Variants in RAP2A observed in about 807,000 individuals in gnomAD.
The protein encoded by RAP2A is ras-related protein Rap-2a.
Under a neutral mutation model 15.1 loss-of-function variants are expected in RAP2A, and 5 were observed. That is an observed-to-expected ratio of 0.33 (90% CI 0.17 to 0.70). The LOEUF (loss-of-function observed/expected upper bound fraction) is 0.70. Among genes scored for constraint, RAP2A ranks in the 30% least tolerant of loss-of-function variants. The pLI is 0.68. For synonymous variants in RAP2A, 110 were observed against 99.7 expected (o/e 1.10, Z -0.62); for missense variants, 111 against 240.3 (o/e 0.46, Z 3.56).
rs181819893 is a variant in RAP2A, at chr13:97,456,691, A to G, written c.315-7514A>G. On this transcript the variant is annotated intron_variant, in intron 1 of 1. Transcript: ENST00000245304. ...GTTGAGATACTCCTAATAGCTTTGAATATCTTCTGGGTATCATTACTCTCC... is the reference window on the plus strand; with the variant it reads ...GTTGAGATACTCCTAATAGCTTTGAGTATCTTCTGGGTATCATTACTCTCC... 6.8e-4 allele frequency among the ~76,000 whole-genome samples: 104 copies of G among 152,206 alleles called. No individual in the cohort carries two copies. The Middle Eastern group carries it at 0.014, about 20-fold the overall frequency.
chr13:97,463,275 A>G (rs2066756091), intron 1 of RAP2A, among the ~76,000 whole-genome samples: 1 of 152,266 alleles, frequency 6.6e-6, no homozygotes, highest in South Asian at 2.1e-4. Context: ...GAAATGTGCT[A>G]CATGGAGTAA....
At chr13:97,458,774 A>T (rs1400559363) in intron 1 of RAP2A, among the ~76,000 whole-genome samples, 1 of 152,106 alleles carries the variant, frequency 6.6e-6, no homozygotes, top group East Asian at 1.9e-4. Flanking sequence ...ACAAGAAAGG[A>T]GAAAGCAAAA....
At chr13:97,436,261 C>T (rs1447532639) in intron 1 of RAP2A, 1 of 151,758 alleles carries the variant, frequency 6.6e-6, no homozygotes, top group Admixed American at 6.6e-5. Context: ...ATGAACAATT[C>T]TGGTGTTAAA....
At chr13:97,460,107 G>A (rs1317656896) in intron 1 of RAP2A, among the ~76,000 whole-genome samples, 1 of 152,202 alleles carries the variant, frequency 6.6e-6, no homozygotes, top group Non-Finnish European at 1.5e-5. Context: ...AGTGCATTTT[G>A]GAGTTCTGCT....
chr13:97,454,474 G>A (rs1025465765), intron 1 of RAP2A, among the ~76,000 whole-genome samples: 1 of 150,502 alleles, frequency 6.6e-6, no homozygotes, highest in African/African-American at 2.5e-5. Context: ...GTTGTTGTAG[G>A]TATTACATTA....
At position 97,468,560 on chromosome 13, in the gene RAP2A, GC is replaced by G. The variant is rs1348101356; in HGVS notation, c.*4120del. 1 of 152,190 alleles carries G rather than the reference GC, an allele frequency of 6.6e-6. No homozygotes were observed. Among genetic ancestry groups the G allele is most frequent in the African/African-American group, 2.4e-5 (1 of 41,432 alleles). The allele number at this position is 152,190 out of a possible 1,614,324, so 9.4% of individuals were successfully genotyped here. On this transcript the variant is annotated 3_prime_UTR_variant, in exon 2 of 2. Transcript: ENST00000245304. Reference sequence around the variant, plus strand: ...TTAAACTATGCCTTTTGGTTATGTTGCCTTCAAACTCTGTTGAAATCCTCTG... The same window carrying G: ...TTAAACTATGCCTTTTGGTTATGTTGCTTCAAACTCTGTTGAAATCCTCTG...
intron 1 of RAP2A, among the ~76,000 whole-genome samples, chr13:97,454,549 G>A (rs1466643876): frequency 3.3e-5 from 5 of 151,144 alleles, no homozygotes; most frequent in Non-Finnish European, 7.4e-5. Context: ...AAAATGTAAA[G>A]AGCTTACAAC....
At chr13:97,441,709 T>TAGAA in intron 1 of RAP2A, 1 of 426,628 alleles carries the variant, frequency 2.3e-6, no homozygotes, top group Non-Finnish European at 4.6e-6. Flanking sequence ...TTTTCCCTGT[T>TAGAA]TTCTGTTTCT....
chr13:97,442,094 G>A lies in RAP2A; in HGVS notation c.314+7310G>A, dbSNP rs569806931. Among the ~76,000 whole-genome samples, 65 of 152,184 alleles carry A rather than the reference G, an allele frequency of 4.3e-4. No individual in the cohort carries two copies. In the South Asian group the frequency reaches 0.013, roughly 32 times the overall value. On this transcript the variant is annotated intron_variant, in intron 1 of 1. Transcript: ENST00000245304. ...CCAGATCAAACTCAGCCTTTTAGTAGAGTAATATCAATAATAGTAATGCTG... is the reference window on the plus strand; with the variant it reads ...CCAGATCAAACTCAGCCTTTTAGTAAAGTAATATCAATAATAGTAATGCTG...
chr13:97,463,105 GACACACACACACAAAC>G (rs897315116), intron 1 of RAP2A, among the ~76,000 whole-genome samples: 11 of 142,060 alleles, frequency 7.7e-5, no homozygotes, highest in African/African-American at 2.4e-4. Context: ...CTTATGGGAA[GACACACACACACAAAC>G]ACACACACAC....
At chr13:97,454,164 TATATG>T (rs1484014490) in intron 1 of RAP2A, among the ~76,000 whole-genome samples, 3 of 151,416 alleles carry the variant, frequency 2.0e-5, no homozygotes, top group Non-Finnish European at 4.4e-5. Flanking sequence ...GGTTAGTGTT[TATATG>T]ATATATCTTT....
In RAP2A at chr13:97,465,820, C is replaced by T. The variant is rs1296303518; in HGVS notation, c.*1378C>T. The T allele has an allele frequency of 6.6e-6, 1 of 152,160 alleles. No homozygotes were observed. The highest frequency in any genetic ancestry group is 1.9e-4 in the East Asian group (1 of 5,184). The allele number at this position is 152,160 out of a possible 1,614,324, so 9.4% of individuals were successfully genotyped here. A position where few individuals can be genotyped will look rare whatever the true frequency, so the allele number is the denominator to read the frequency against. On this transcript the variant is annotated 3_prime_UTR_variant, in exon 2 of 2. Transcript: ENST00000245304. ...GTTTTACAATCAAGTATAGAGGGGT[C>T]TTCAGCTAACTTAGTTATACATAAA... is the stretch of plus-strand genomic sequence containing the variant.
At chr13:97,445,372 A>G (rs549041442) in intron 1 of RAP2A, among the ~76,000 whole-genome samples, 1 of 152,360 alleles carries the variant, frequency 6.6e-6, no homozygotes, top group South Asian at 2.1e-4. Context: ...ATTGTTAAGT[A>G]GCCACATACA....
rs948548428 is a variant in RAP2A at position 97,454,362 on chromosome 13, A to G, written c.315-9843A>G. Among the ~76,000 whole-genome samples the G allele has an allele frequency of 4.0e-5, 6 of 150,344 alleles. 1 individual carries two copies. Among genetic ancestry groups the G allele is most frequent in the Non-Finnish European group, 8.9e-5 (6 of 67,480 alleles). ...CCCACCATTTTACTGCTTGTTTTCA[A>G]TTTTTTCACCTGCTTATTTTTTTCT... is the stretch of plus-strand genomic sequence containing the variant. On this transcript the variant is annotated intron_variant, in intron 1 of 1. Transcript: ENST00000245304.
Position 97,466,059 on chromosome 13 carries a change from A to C in RAP2A, c.*1617A>C, listed in dbSNP as rs546608910. The C allele has an allele frequency of 6.6e-6, 1 of 152,364 alleles. No homozygotes were observed. The highest frequency in any genetic ancestry group is 2.1e-4 in the South Asian group (1 of 4,828). 9.4% of individuals were successfully genotyped at this position (152,364 alleles called of 1,614,324 possible). ...TGTTCCTAAGAATTTGGCACAAGTC[A>C]GAGATAATTGCCTATACTAAGAATC... On this transcript the variant is annotated 3_prime_UTR_variant, in exon 2 of 2. Coordinates refer to ENST00000245304, the MANE Select transcript of RAP2A (RefSeq NM_021033.7).
chr13:97,443,232 A>G (rs1355448983), intron 1 of RAP2A, among the ~76,000 whole-genome samples: 1 of 152,248 alleles, frequency 6.6e-6, no homozygotes, highest in African/African-American at 2.4e-5. Context: ...CAAGAGAAAC[A>G]TTGAAAAACC....
intron 1 of RAP2A, among the ~76,000 whole-genome samples, chr13:97,463,489 T>C (rs1458645796): frequency 6.6e-6 from 1 of 152,244 alleles, no homozygotes; most frequent in African/African-American, 2.4e-5. Flanking sequence ...AAAAGAATCC[T>C]AATTGTTTCT....
intron 1 of RAP2A, among the ~76,000 whole-genome samples, chr13:97,441,288 C>CT (rs2066656624): frequency 6.6e-6 from 1 of 151,954 alleles, no homozygotes; most frequent in African/African-American, 2.4e-5. Flanking sequence ...AATAATTATA[C>CT]TAATACTTAT....
intron 1 of RAP2A, among the ~76,000 whole-genome samples, chr13:97,440,747 A>G (rs938402058): frequency 6.6e-6 from 1 of 152,206 alleles, no homozygotes; most frequent in Non-Finnish European, 1.5e-5. Context: ...AATCACCACA[A>G]TCAATGCTGT....
Sources: allele counts gnomAD v4.1 joint callset (sites outside exome capture counted in the v4.1 genomes callset), GRCh38; gene constraint gnomAD v4.1.1; transcripts MANE v1.5; gene names NCBI Gene and HGNC (gene_info 2026-07-23, HGNC 2026-07-21).